Variants in LPP observed in about 807,000 individuals in gnomAD.
LPP encodes the protein LIM domain containing preferred translocation partner in lipoma, also known as lipoma-preferred partner.
In LPP, 38 loss-of-function variants were observed where a neutral mutation model predicts 60.4. The ratio of observed to expected loss-of-function variants is 0.63; its 90% CI spans 0.49 to 0.83. The LOEUF is 0.83. Ranked by LOEUF, LPP falls within the 40% of genes least tolerant of loss-of-function variation. The pLI is 0.00. For missense variants in LPP, 902 were observed against 783.6 expected (o/e 1.15, Z -1.80); for synonymous variants, 328 against 290.8 (o/e 1.13, Z -1.30).
intron 8 of LPP, among the ~76,000 whole-genome samples, chr3:188,733,759 C>T (rs1721502213): frequency 6.6e-6 from 1 of 150,538 alleles, no homozygotes; most frequent in South Asian, 2.1e-4. Flanking sequence ...TATTAGGCTA[C>T]TGAAGTGTTT....
chr3:188,374,332 A>T (rs1239531365), intron 3 of LPP, among the ~76,000 whole-genome samples: 1 of 152,060 alleles, frequency 6.6e-6, no homozygotes. Context: ...GATTCTTCCT[A>T]CCCGTGAGCA....
intron 8 of LPP, among the ~76,000 whole-genome samples, chr3:188,743,399 G>A (rs757319328): frequency 6.6e-5 from 10 of 151,918 alleles, no homozygotes; most frequent in Non-Finnish European, 1.0e-4. Flanking sequence ...AGGGTTAAGC[G>A]TGTCCACCCA....
Position 188,875,058 on chromosome 3 carries a change from G to C in LPP, c.*579G>C, listed in dbSNP as rs1181076808. The C allele has an allele frequency of 4.5e-6, 1 of 220,934 alleles. No homozygotes were observed. Among genetic ancestry groups the C allele is most frequent in the East Asian group, 6.7e-5 (1 of 14,974 alleles). 13.7% of individuals were successfully genotyped at this position (220,934 alleles called of 1,614,324 possible). ...TTTAAGCTGTAAATTACATAAGTTAGAACAAGCCCAAATTTAATTTGCAAC... is the reference window on the plus strand; with the variant it reads ...TTTAAGCTGTAAATTACATAAGTTACAACAAGCCCAAATTTAATTTGCAAC... On this transcript the variant is annotated 3_prime_UTR_variant, in exon 12 of 12. Coordinates refer to ENST00000617246, the MANE Select transcript of LPP (RefSeq NM_001375462.1).
intron 9 of LPP, among the ~76,000 whole-genome samples, chr3:188,790,152 A>C (rs1296588102): frequency 6.6e-6 from 1 of 152,192 alleles, no homozygotes; most frequent in Non-Finnish European, 1.5e-5. Flanking sequence ...TAGTAAAATA[A>C]AGTACAGCAA....
At chr3:188,661,889 C>CAG in intron 7 of LPP, among the ~76,000 whole-genome samples, 1 of 152,158 alleles carries the variant, frequency 6.6e-6, no homozygotes, top group East Asian at 1.9e-4. Flanking sequence ...TAATAGGCAG[C>CAG]AGACTTGGGG....
intron 1 of LPP, among the ~76,000 whole-genome samples, chr3:188,169,180 G>A (rs1455361640): frequency 4.6e-5 from 7 of 152,124 alleles, no homozygotes; most frequent in East Asian, 1.9e-4. Context: ...TTAACATTTC[G>A]TTTTTCAAAA....
At chr3:188,428,942 G>A (rs1790206869) in intron 4 of LPP, among the ~76,000 whole-genome samples, 2 of 152,138 alleles carry the variant, frequency 1.3e-5, no homozygotes, top group Middle Eastern at 6.8e-3. Flanking sequence ...CTTTATAATT[G>A]TGACTCAATC....
At chr3:188,715,376 CAAAAAAAAAAAA>C (rs35761284) in intron 8 of LPP, among the ~76,000 whole-genome samples, 36 of 63,680 alleles carry the variant, frequency 5.7e-4, no homozygotes, top group African/African-American at 1.9e-3. Flanking sequence ...GACTCCGTCT[CAAAAAAAAAAAA>C]AAAAAAAAAA....
chr3:188,191,600 AG>A lies in LPP; in HGVS notation c.-189-33804del, dbSNP rs546820705. On this transcript the variant is annotated intron_variant, in intron 1 of 11. Transcript: ENST00000617246. ...GGAATCAAATTCAGTCTGACCCCAC[AG>A]TTTGATTCAACACAGCAGTCAGGTC... Among the ~76,000 whole-genome samples the A allele has an allele frequency of 3.5e-4, 53 of 152,304 alleles. 1 individual carries two copies. The South Asian group carries it at 0.011, about 30-fold the overall frequency.
chr3:188,583,753 C>G lies in LPP; in HGVS notation c.430-25408C>G, dbSNP rs191899009. 1.7e-3 allele frequency among the ~76,000 whole-genome samples: 261 copies of G among 152,276 alleles called. 1 individual carries two copies. Among genetic ancestry groups the G allele is most frequent in the African/African-American group, 5.7e-3 (237 of 41,562 alleles). On this transcript the variant is annotated intron_variant, in intron 6 of 11. Coordinates refer to ENST00000617246, the MANE Select transcript of LPP (RefSeq NM_001375462.1). ...AATGTTTATAGTGTGACTGTCTCGC[C>G]AGTGCACATACAACAAAGTGATCCC...
chr3:188,308,395 G>A (rs997233413), intron 2 of LPP, among the ~76,000 whole-genome samples: 2 of 152,146 alleles, frequency 1.3e-5, no homozygotes, highest in Non-Finnish European at 2.9e-5. Flanking sequence ...CAATATCATA[G>A]GGATAACCTT....
At chr3:188,247,916 C>T (rs1727592060) in intron 2 of LPP, among the ~76,000 whole-genome samples, 1 of 152,034 alleles carries the variant, frequency 6.6e-6, no homozygotes, top group African/African-American at 2.4e-5. Context: ...ATATTCTAGC[C>T]TAGTGGTTTG....
At chr3:188,602,177 T>TATATATATAATATATATATATTATATATA (rs1841458686) in intron 6 of LPP, among the ~76,000 whole-genome samples, 1 of 115,278 alleles carries the variant, frequency 8.7e-6, no homozygotes, top group African/African-American at 3.2e-5. Context: ...ATATATATAT[T>TATATATATAATATATATATATTATATATA]ATATATATAT....
At chr3:188,617,059 T>C (rs1844981356) in intron 7 of LPP, among the ~76,000 whole-genome samples, 1 of 152,212 alleles carries the variant, frequency 6.6e-6, no homozygotes. Flanking sequence ...TGGATAAGCC[T>C]ATTCATCAAC....
chr3:188,573,240 G>T lies in LPP; in HGVS notation c.430-35921G>T, dbSNP rs13084324. On this transcript the variant is annotated intron_variant, in intron 6 of 11. Coordinates refer to ENST00000617246, the MANE Select transcript of LPP (RefSeq NM_001375462.1). ...ACCTGCACAGAAGAGACAGAGCAGG[G>T]ATTTTGCTTGTGTGACATTGATGTG... 1.1e-3 allele frequency among the ~76,000 whole-genome samples: 175 copies of T among 152,226 alleles called. No individual in the cohort carries two copies. The East Asian group carries it at 0.016, about 14-fold the overall frequency.
At chr3:188,843,516 G>A (rs527587612) in intron 9 of LPP, among the ~76,000 whole-genome samples, 1 of 152,086 alleles carries the variant, frequency 6.6e-6, no homozygotes, top group Admixed American at 6.5e-5. Context: ...GGCTGGGCGC[G>A]GTGGCTCACG....
Position 188,669,554 on chromosome 3 carries a change from T to C in LPP, c.1114-38713T>C, listed in dbSNP as rs193069415. ...TCGCACCACTGCACTCCAGCCTGGG[T>C]GACAGAGCAAGACTCCATCTCAAAA... On this transcript the variant is annotated intron_variant, in intron 7 of 11. Transcript: ENST00000617246. 5.7e-3 allele frequency among the ~76,000 whole-genome samples: 862 copies of C among 152,150 alleles called. 4 individuals carry two copies. The highest frequency in any genetic ancestry group is 8.3e-3 in the Non-Finnish European group (567 of 67,992).
intron 8 of LPP, among the ~76,000 whole-genome samples, chr3:188,728,030 G>A (rs1406379380): frequency 6.6e-6 from 1 of 152,154 alleles, no homozygotes; most frequent in African/African-American, 2.4e-5. Flanking sequence ...GAGGAAACCT[G>A]AGGAGTTTCT....
chr3:188,222,800 C>T (rs1404681122), intron 1 of LPP, among the ~76,000 whole-genome samples: 1 of 152,004 alleles, frequency 6.6e-6, no homozygotes, highest in Non-Finnish European at 1.5e-5. Context: ...GTTTTGAGCT[C>T]CTTTAACTGT....
Sources: gnomAD v4.1 joint callset for allele counts (sites outside exome capture counted in the v4.1 genomes callset) on GRCh38, gnomAD v4.1.1 for gene constraint, MANE v1.5 for transcripts, NCBI Gene and HGNC (gene_info 2026-07-23, HGNC 2026-07-21) for gene names.